The following AFAP1 variants were observed in gnomAD, a reference collection of about 807,000 sequenced individuals.
AFAP1 encodes the protein actin filament-associated protein 1.
A neutral mutation model predicts 93.9 loss-of-function variants in AFAP1; 75 were observed. That is an observed-to-expected ratio of 0.80 (90% confidence interval 0.66 to 0.97). AFAP1 has a LOEUF of 0.97. Ranked by LOEUF, AFAP1 falls within the 50% of genes least tolerant of loss-of-function variation. The probability of loss-of-function intolerance (pLI) is 0.00; values close to 1 mark genes in which losing one functional copy is unlikely to be tolerated. For synonymous variants in AFAP1, 517 were observed against 430.7 expected, an observed-to-expected ratio of 1.20 and a Z score of -2.48; for missense variants, 1,201 against 1,050.8, an observed-to-expected ratio of 1.14 and a Z score of -1.98.
chr4:7,937,287 T>A (rs1018689343), intron 1 of AFAP1, among the ~76,000 whole-genome samples: 3 of 151,414 alleles, frequency 2.0e-5, no homozygotes, highest in African/African-American at 7.3e-5. Context: ...AGAATCCACA[T>A]TTTCAAAGGC....
In AFAP1 at chr4:7,816,549, T is replaced by G. The variant is rs74742146; in HGVS notation, c.823-450A>C. Among the ~76,000 whole-genome samples the G allele has an allele frequency of 3.4e-4, 51 of 152,206 alleles. 2 individuals are homozygous for G. The East Asian group carries it at 9.8e-3, about 29-fold the overall frequency. ...CAAGTATCTGCTTGTAACAATACAC[T>G]CAGAATGTACACAGAGTGAGGGCAA... On this transcript the variant is annotated intron_variant, in intron 7 of 17. Transcript: ENST00000420658.
chr4:7,909,074 G>C (rs1719584212), intron 1 of AFAP1, among the ~76,000 whole-genome samples: 1 of 152,106 alleles, frequency 6.6e-6, no homozygotes, highest in African/African-American at 2.4e-5. Context: ...TTGGTTCGAG[G>C]GGTAAGGGTA....
At chr4:7,764,505 G>A (rs1248885446) in intron 17 of AFAP1, among the ~76,000 whole-genome samples, 3 of 152,040 alleles carry the variant, frequency 2.0e-5, no homozygotes, top group African/African-American at 7.2e-5. Context: ...ATGGGAATGT[G>A]CTTAATGCCA....
At chr4:7,869,329 C>T (rs1716813051) in intron 2 of AFAP1, among the ~76,000 whole-genome samples, 1 of 152,222 alleles carries the variant, frequency 6.6e-6, no homozygotes, top group South Asian at 2.1e-4. Flanking sequence ...TCCTCAGTGC[C>T]GTGCTGCACC....
chr4:7,869,219 AGGGAAGGAGGAAG>A (rs550285900), intron 2 of AFAP1, among the ~76,000 whole-genome samples: 163 of 150,388 alleles, frequency 1.1e-3, no homozygotes, highest in South Asian at 3.0e-3. Flanking sequence ...GGATGGATGG[AGGGAAGGAGGAAG>A]GGGAAGGAGG....
chr4:7,867,018 G>A (rs1038920360), intron 3 of AFAP1, among the ~76,000 whole-genome samples: 1 of 149,806 alleles, frequency 6.7e-6, no homozygotes, highest in African/African-American at 2.5e-5. Context: ...CAGCCTGGGT[G>A]ACAGAGCAAG....
At chr4:7,841,653 T>TC (rs770438291) in intron 5 of AFAP1, among the ~76,000 whole-genome samples, 101 of 152,178 alleles carry the variant, frequency 6.6e-4, no homozygotes, top group Non-Finnish European at 1.2e-3. Flanking sequence ...CCAATGGGGG[T>TC]CATCTGGGCC....
chr4:7,797,942 A>T (rs889082883), intron 10 of AFAP1, among the ~76,000 whole-genome samples: 8 of 152,202 alleles, frequency 5.3e-5, no homozygotes, highest in African/African-American at 1.9e-4. Flanking sequence ...AAGCATGCGG[A>T]ATGTTGGTCT....
chr4:7,930,151 T>A (rs1054665089), intron 1 of AFAP1, among the ~76,000 whole-genome samples: 2 of 152,192 alleles, frequency 1.3e-5, no homozygotes, highest in Admixed American at 6.5e-5. Flanking sequence ...GGCACTTACT[T>A]ACTCTTATGG....
intron 17 of AFAP1, among the ~76,000 whole-genome samples, chr4:7,765,624 G>T (rs1469805040): frequency 6.6e-6 from 1 of 152,236 alleles, no homozygotes; most frequent in African/African-American, 2.4e-5. Context: ...CCATGGGATT[G>T]AGTTCCAGAA....
chr4:7,768,370 G>A (rs939324311), intron 17 of AFAP1, among the ~76,000 whole-genome samples: 1 of 152,268 alleles, frequency 6.6e-6, no homozygotes, highest in South Asian at 2.1e-4. Flanking sequence ...GGAGTAAACA[G>A]GTTCCTCCGA....
chr4:7,799,049 A>T (rs2149027213), intron 10 of AFAP1: 1 of 986,064 alleles, frequency 1.0e-6, no homozygotes, highest in Admixed American at 6.1e-5. Flanking sequence ...TCCAGTTTTC[A>T]GCCTACATAA....
Position 7,907,618 on chromosome 4 carries a change from TC to T in AFAP1, c.-3+32037del, listed in dbSNP as rs371420316. On this transcript the variant is annotated intron_variant, in intron 1 of 17. Transcript: ENST00000420658. ...GTCTCCCTAACCAGAAACTCCGAAA[TC>T]TATAACTTTTTGAGCGCTGACGTGA... is the stretch of plus-strand genomic sequence containing the variant. Among the ~76,000 whole-genome samples the T allele has an allele frequency of 6.6e-4, 101 of 152,258 alleles. 2 individuals carry two copies. In the East Asian group the frequency reaches 0.019, roughly 29 times the overall value.
intron 2 of AFAP1, among the ~76,000 whole-genome samples, chr4:7,870,980 C>T (rs758017376): frequency 6.6e-6 from 1 of 152,148 alleles, no homozygotes; most frequent in Non-Finnish European, 1.5e-5. Flanking sequence ...CCATCTCATC[C>T]GGCAGACTAT....
At chr4:7,766,436 G>A (rs1488206719) in intron 17 of AFAP1, among the ~76,000 whole-genome samples, 3 of 152,152 alleles carry the variant, frequency 2.0e-5, no homozygotes, top group Non-Finnish European at 2.9e-5. Context: ...CAAACAAGCC[G>A]AGGAAATGGT....
intron 3 of AFAP1, among the ~76,000 whole-genome samples, chr4:7,860,396 C>T (rs1715544092): frequency 6.6e-6 from 1 of 152,094 alleles, no homozygotes; most frequent in Non-Finnish European, 1.5e-5. Context: ...CTTTTTTTAG[C>T]ACTGACATGA....
intron 8 of AFAP1, among the ~76,000 whole-genome samples, chr4:7,815,004 C>G (rs1720350570): frequency 6.6e-6 from 1 of 152,254 alleles, no homozygotes; most frequent in South Asian, 2.1e-4. Context: ...GGGAACCACC[C>G]AAGTGTTCAT....
chr4:7,766,828 A>G (rs1714662881), intron 17 of AFAP1, among the ~76,000 whole-genome samples: 1 of 152,094 alleles, frequency 6.6e-6, no homozygotes, highest in South Asian at 2.1e-4. Context: ...GGTGGTTATG[A>G]GCCAGGAAGC....
chr4:7,840,434 C>G (rs1329988333), intron 5 of AFAP1, among the ~76,000 whole-genome samples: 1 of 151,916 alleles, frequency 6.6e-6, no homozygotes. Flanking sequence ...CTGCCTCAGC[C>G]TCCTGAGTAA....
Sources: gnomAD v4.1 joint callset for allele counts (sites outside exome capture counted in the v4.1 genomes callset) on GRCh38, gnomAD v4.1.1 for gene constraint, MANE v1.5 for transcripts, NCBI Gene and HGNC (gene_info 2026-07-23, HGNC 2026-07-21) for gene names.